Variants in FRMD6 observed in about 807,000 individuals in gnomAD.
The protein encoded by FRMD6 is FERM domain-containing protein 6.
A neutral mutation model predicts 73.2 loss-of-function variants in FRMD6; 37 were observed. The observed-to-expected ratio is 0.51, with a 90% CI of 0.39 to 0.66. The LOEUF (loss-of-function observed/expected upper bound fraction) is 0.66. Among genes scored for constraint, FRMD6 ranks in the 30% least tolerant of loss-of-function variants. FRMD6 has a pLI of 0.00. For missense variants in FRMD6, 714 were observed against 780.5 expected (o/e 0.91, Z 1.02); for synonymous variants, 273 against 282.2 (o/e 0.97, Z 0.33).
At chr14:51,610,661 A>G (rs757196021) in intron 2 of FRMD6, among the ~76,000 whole-genome samples, 19 of 152,204 alleles carry the variant, frequency 1.2e-4, no homozygotes, top group Non-Finnish European at 2.1e-4. Flanking sequence ...TTCTCTACAT[A>G]AGTCAAAATA....
At chr14:51,558,985 T>C (rs1044189361) in intron 1 of FRMD6, among the ~76,000 whole-genome samples, 1 of 152,168 alleles carries the variant, frequency 6.6e-6, no homozygotes, top group East Asian at 1.9e-4. Flanking sequence ...AAAAGTAAGC[T>C]CTAAGCAAGG....
In FRMD6 at chr14:51,711,621, AT is replaced by A. The variant is rs747253484; in HGVS notation, c.780+26del. 4 of 1,524,984 alleles carry A rather than the reference AT, an allele frequency of 2.6e-6. No individual in the cohort carries two copies. In the African/African-American group the frequency reaches 5.5e-5, roughly 21 times the overall value. The allele number at this position is 1,524,984 out of a possible 1,614,324, so 94.5% of individuals were successfully genotyped here. A position where few individuals can be genotyped will look rare whatever the true frequency, so the allele number is the denominator to read the frequency against. On this transcript the variant is annotated intron_variant, in intron 8 of 13. Transcript: ENST00000344768. ...GGTTGGTAAATGAGAATTGTGTCAA[AT>A]GCTGTCAGCCATGTCTTCTGTTTAC...
intron 2 of FRMD6, among the ~76,000 whole-genome samples, chr14:51,611,163 A>G (rs1007882756): frequency 6.6e-6 from 1 of 152,176 alleles, no homozygotes; most frequent in Non-Finnish European, 1.5e-5. Context: ...AGAGGGGAAA[A>G]ATGGAGAAGG....
chr14:51,511,761 G>T (rs1242873611), intron 1 of FRMD6, among the ~76,000 whole-genome samples: 1 of 152,066 alleles, frequency 6.6e-6, no homozygotes, highest in Non-Finnish European at 1.5e-5. Flanking sequence ...AGCATTAGGA[G>T]AAATACCTAA....
chr14:51,593,930 G>T (rs1304553073), intron 2 of FRMD6, among the ~76,000 whole-genome samples: 1 of 151,778 alleles, frequency 6.6e-6, no homozygotes, highest in Non-Finnish European at 1.5e-5. Context: ...TCCTTTCCAA[G>T]AATAGAATCC....
the FRMD6 span, among the ~76,000 whole-genome samples, chr14:51,481,867 T>G: frequency 6.6e-6 from 1 of 152,228 alleles, no homozygotes; most frequent in Non-Finnish European, 1.5e-5. Context: ...TAACAGAGAT[T>G]AGGGCATATG....
chr14:51,529,579 A>G (rs1344218765), intron 1 of FRMD6, among the ~76,000 whole-genome samples: 1 of 152,202 alleles, frequency 6.6e-6, no homozygotes, highest in Non-Finnish European at 1.5e-5. Flanking sequence ...AGTAGCAATC[A>G]TTTCACCCTA....
chr14:51,434,181 C>G, the FRMD6 span, among the ~76,000 whole-genome samples: 1 of 152,198 alleles, frequency 6.6e-6, no homozygotes, highest in Middle Eastern at 3.4e-3. Context: ...ATTATGTACA[C>G]AGGTGGCATA....
At position 51,701,151 on chromosome 14, in the gene FRMD6, G is replaced by C; in HGVS notation, c.286G>C (p.Val96Leu). The C allele has an allele frequency of 6.5e-7, 1 of 1,549,830 alleles. No individual in the cohort carries two copies. Among genetic ancestry groups the C allele is most frequent in the Non-Finnish European group, 8.8e-7 (1 of 1,142,570 alleles). The change falls in exon 4 of 14, where the codon GTC (valine) becomes CTC (leucine). Residue 96 changes from valine to leucine, a missense_variant. Physicochemically the swap from Val to Leu is conservative, Grantham distance 32 (BLOSUM62 1). Coordinates refer to ENST00000344768, the MANE Select transcript of FRMD6 (RefSeq NM_001267046.2). ...GGCCAGCAAGGTACGACAATACGAAGTCACTTGGGTGAGATTACATTTATA... is the reference window on the plus strand; with the variant it reads ...GGCCAGCAAGGTACGACAATACGAACTCACTTGGGTGAGATTACATTTATA... ...KEASKVRQYE[V>L]TWGIDQFGPP...
chr14:51,550,769 A>G (rs1223658804), intron 1 of FRMD6, among the ~76,000 whole-genome samples: 2 of 152,168 alleles, frequency 1.3e-5, no homozygotes, highest in African/African-American at 2.4e-5. Context: ...TGTGAAATAC[A>G]TTGTACAGTG....
At chr14:51,524,370 A>T (rs1024257224) in intron 1 of FRMD6, among the ~76,000 whole-genome samples, 1 of 152,146 alleles carries the variant, frequency 6.6e-6, no homozygotes, top group African/African-American at 2.4e-5. Flanking sequence ...TTATCATTTT[A>T]TCATTATATC....
chr14:51,470,491 C>T, the FRMD6 span, among the ~76,000 whole-genome samples: 2 of 151,122 alleles, frequency 1.3e-5, no homozygotes, highest in Non-Finnish European at 2.9e-5. Flanking sequence ...CAGAGCGAGA[C>T]TCCGTCTCAA....
chr14:51,439,955 C>A, the FRMD6 span, among the ~76,000 whole-genome samples: 1 of 152,050 alleles, frequency 6.6e-6, no homozygotes, highest in Non-Finnish European at 1.5e-5. Context: ...CAACAACCAA[C>A]AATTGTCTGA....
At chr14:51,400,562 G>A in the FRMD6 span, among the ~76,000 whole-genome samples, 1 of 151,976 alleles carries the variant, frequency 6.6e-6, no homozygotes, top group African/African-American at 2.4e-5. Flanking sequence ...ATTTCAATCT[G>A]TTTTTTGGAG....
At chr14:51,400,522 G>A in the FRMD6 span, among the ~76,000 whole-genome samples, 210 of 151,712 alleles carry the variant, frequency 1.4e-3, 2 homozygotes, top group South Asian at 1.5e-3. Context: ...TTATTTTTTG[G>A]CAACTCAACT....
the FRMD6 span, among the ~76,000 whole-genome samples, chr14:51,403,038 C>G: frequency 6.6e-6 from 1 of 152,146 alleles, no homozygotes; most frequent in African/African-American, 2.4e-5. Context: ...CTCCCAAATG[C>G]TTACGAAGGC....
At chr14:51,709,979 G>T (rs1166980426) in intron 7 of FRMD6, among the ~76,000 whole-genome samples, 3 of 152,072 alleles carry the variant, frequency 2.0e-5, no homozygotes, top group Non-Finnish European at 2.9e-5. Flanking sequence ...TAATGAGGTG[G>T]AATACCTGGC....
intron 1 of FRMD6, among the ~76,000 whole-genome samples, chr14:51,682,444 C>G (rs1421836748): frequency 6.6e-6 from 1 of 151,726 alleles, no homozygotes; most frequent in African/African-American, 2.4e-5. Flanking sequence ...ATGAATGTAT[C>G]AAGCAGTCAG....
intron 12 of FRMD6, chr14:51,724,078 C>T (rs978176291): frequency 2.6e-5 from 4 of 151,992 alleles, no homozygotes. Context: ...AGCATTTAAA[C>T]GTTGCTTATA....
Sources: gnomAD v4.1 joint callset for allele counts (sites outside exome capture counted in the v4.1 genomes callset) on GRCh38, gnomAD v4.1.1 for gene constraint, MANE v1.5 for transcripts, NCBI Gene and HGNC (gene_info 2026-07-23, HGNC 2026-07-21) for gene names.